LRRC4C: variants seen among roughly 807,000 people sequenced by gnomAD.
LRRC4C encodes leucine-rich repeat-containing protein 4C.
A neutral mutation model predicts 33.6 loss-of-function variants in LRRC4C; 5 were observed. The ratio of observed to expected loss-of-function variants is 0.15; its 90% CI spans 0.08 to 0.31. The LOEUF (loss-of-function observed/expected upper bound fraction) is 0.31. Ranked by LOEUF, LRRC4C falls within the 10% of genes least tolerant of loss-of-function variation. The pLI, the probability that LRRC4C is intolerant of heterozygous loss-of-function variation, is 1.00. For missense variants in LRRC4C, 560 were observed against 796.7 expected (o/e 0.70, Z 3.58); for synonymous variants, 329 against 302.0 (o/e 1.09, Z -0.93).
intron 1 of LRRC4C, among the ~76,000 whole-genome samples, chr11:41,287,894 T>A (rs1331957078): frequency 1.3e-5 from 2 of 152,180 alleles, no homozygotes; most frequent in Admixed American, 6.5e-5. Context: ...GGCTTCCATG[T>A]CACTTTAACT....
intron 1 of LRRC4C, among the ~76,000 whole-genome samples, chr11:41,282,007 G>A (rs1305558971): frequency 1.3e-5 from 2 of 152,226 alleles, no homozygotes; most frequent in East Asian, 3.9e-4. Flanking sequence ...GGCCTTGGTG[G>A]ATGTGTGATG....
intron 3 of LRRC4C, among the ~76,000 whole-genome samples, chr11:40,462,422 TTA>T (rs1402391907): frequency 6.6e-6 from 1 of 152,032 alleles, no homozygotes; most frequent in Admixed American, 6.6e-5. Flanking sequence ...ATTCTTTAAT[TTA>T]TAGAGAGTAT....
At chr11:40,673,939 C>T (rs1014783434) in intron 2 of LRRC4C, among the ~76,000 whole-genome samples, 3 of 152,276 alleles carry the variant, frequency 2.0e-5, no homozygotes, top group Admixed American at 6.5e-5. Flanking sequence ...CATGAACCAT[C>T]GCTTTCTTGA....
chr11:40,312,544 C>A (rs1358629069), intron 4 of LRRC4C, among the ~76,000 whole-genome samples: 3 of 152,110 alleles, frequency 2.0e-5, no homozygotes, highest in African/African-American at 7.2e-5. Context: ...GTAAACTCCT[C>A]CATGAATAGA....
At chr11:40,861,348 G>A (rs1253136063) in intron 2 of LRRC4C, among the ~76,000 whole-genome samples, 1 of 152,128 alleles carries the variant, frequency 6.6e-6, no homozygotes, top group South Asian at 2.1e-4. Context: ...AGAAACATGA[G>A]CCTGGAAGGA....
chr11:41,339,945 A>G (rs1328820734), intron 1 of LRRC4C, among the ~76,000 whole-genome samples: 1 of 152,218 alleles, frequency 6.6e-6, no homozygotes, highest in East Asian at 1.9e-4. Context: ...TTTAACTCAG[A>G]AAAAGGCAAA....
intron 3 of LRRC4C, among the ~76,000 whole-genome samples, chr11:40,574,137 G>T (rs1164226329): frequency 1.3e-5 from 2 of 152,150 alleles, no homozygotes; most frequent in African/African-American, 4.8e-5. Flanking sequence ...TCTCTCTAGA[G>T]AAATGTATTT....
chr11:41,075,020 T>A (rs1489798257), intron 1 of LRRC4C, among the ~76,000 whole-genome samples: 1 of 15,914 alleles, frequency 6.3e-5, no homozygotes, highest in East Asian at 2.1e-3. Flanking sequence ...TTTTCTTTTT[T>A]TTTTTTTTTT....
At chr11:41,190,227 T>C (rs1280847677) in intron 1 of LRRC4C, among the ~76,000 whole-genome samples, 2 of 152,116 alleles carry the variant, frequency 1.3e-5, no homozygotes, top group Non-Finnish European at 2.9e-5. Context: ...CACCTGAGCC[T>C]GAAGACAGAC....
chr11:40,650,166 C>T (rs887271027), intron 2 of LRRC4C, among the ~76,000 whole-genome samples: 5 of 152,010 alleles, frequency 3.3e-5, no homozygotes, highest in East Asian at 1.9e-4. Flanking sequence ...AACACCTTAA[C>T]GAGTATTAAA....
intron 1 of LRRC4C, among the ~76,000 whole-genome samples, chr11:41,384,824 A>G (rs116724640): frequency 0.016 from 2,457 of 149,270 alleles, 66 homozygotes; most frequent in African/African-American, 0.057. Context: ...ATAGTTCAGT[A>G]TACTATACAA....
rs992975430 is a variant in LRRC4C, at chr11:40,736,870, T to G, written c.-406-88592A>C. 7.4e-4 allele frequency among the ~76,000 whole-genome samples: 113 copies of G among 152,070 alleles called. 2 individuals are homozygous for G. Among genetic ancestry groups the G allele is most frequent in the Non-Finnish European group, 9.4e-4 (64 of 67,984 alleles). On this transcript the variant is annotated intron_variant, in intron 2 of 6. Transcript: ENST00000528697. ...CTTTTTGATGCGGTTGTTTTTTTTT[T>G]TTTTGTAAATTTGTTCAAGTTCTTT...
intron 1 of LRRC4C, among the ~76,000 whole-genome samples, chr11:41,355,372 A>C (rs931482753): frequency 1.3e-5 from 2 of 152,150 alleles, no homozygotes; most frequent in African/African-American, 2.4e-5. Context: ...TGTGAAACAA[A>C]CCTAAAAAAT....
intron 3 of LRRC4C, among the ~76,000 whole-genome samples, chr11:40,533,385 T>G (rs564459670): frequency 4.6e-5 from 7 of 152,100 alleles, no homozygotes; most frequent in Admixed American, 2.0e-4. Context: ...AACTAATTCA[T>G]GTGGGTCTTT....
intron 1 of LRRC4C, among the ~76,000 whole-genome samples, chr11:41,356,289 T>C (rs1167551188): frequency 6.6e-6 from 1 of 152,164 alleles, no homozygotes; most frequent in Non-Finnish European, 1.5e-5. Flanking sequence ...TTTGCCCTCT[T>C]GATTTTATAT....
At chr11:41,073,332 G>GT (rs754428982) in intron 1 of LRRC4C, among the ~76,000 whole-genome samples, 37 of 141,536 alleles carry the variant, frequency 2.6e-4, no homozygotes, top group South Asian at 4.4e-4. Context: ...GAAAGTGAGG[G>GT]GTTTTTTTAA....
intron 1 of LRRC4C, among the ~76,000 whole-genome samples, chr11:41,195,322 G>C (rs959133811): frequency 3.3e-5 from 5 of 151,958 alleles, no homozygotes; most frequent in African/African-American, 1.2e-4. Context: ...TAAACTAATA[G>C]ATAATCACAA....
chr11:40,188,068 GAAGAAT>G (rs1861549398), intron 5 of LRRC4C, among the ~76,000 whole-genome samples: 1 of 152,152 alleles, frequency 6.6e-6, no homozygotes, highest in Non-Finnish European at 1.5e-5. Flanking sequence ...ATTTTAAAGT[GAAGAAT>G]ACTGAAGGAA....
At chr11:40,775,470 T>C (rs1248065801) in intron 2 of LRRC4C, among the ~76,000 whole-genome samples, 4 of 152,182 alleles carry the variant, frequency 2.6e-5, no homozygotes, top group Non-Finnish European at 5.9e-5. Flanking sequence ...CTTTCACAAC[T>C]ACTTAACTCT....
Sources: gnomAD v4.1 joint callset for allele counts (sites outside exome capture counted in the v4.1 genomes callset) on GRCh38, gnomAD v4.1.1 for gene constraint, MANE v1.5 for transcripts, NCBI Gene and HGNC (gene_info 2026-07-23, HGNC 2026-07-21) for gene names.